The following BABAM2 variants were observed in gnomAD, a reference collection of about 807,000 sequenced individuals.
BABAM2 encodes the protein BRISC and BRCA1 A complex member 2.
A neutral mutation model predicts 54.7 loss-of-function variants in BABAM2; 31 were observed. The observed-to-expected ratio is 0.57, with a 90% CI of 0.43 to 0.77. BABAM2 has a LOEUF of 0.77. BABAM2 is among the 30% of genes least tolerant of loss of function. BABAM2 has a pLI of 0.00. For missense variants in BABAM2, 364 were observed against 455.8 expected (o/e 0.80, Z 1.83); for synonymous variants, 167 against 162.9 (o/e 1.03, Z -0.19).
intron 11 of BABAM2, among the ~76,000 whole-genome samples, chr2:28,326,118 C>G (rs902135): frequency 0.99 from 151,492 of 152,330 alleles, 75,336 homozygotes; most frequent in Middle Eastern, 1. Flanking sequence ...CTTCCTCTTT[C>G]AGGGTCACCC....
At chr2:28,182,596 A>G (rs1403957769) in intron 7 of BABAM2, among the ~76,000 whole-genome samples, 1 of 152,190 alleles carries the variant, frequency 6.6e-6, no homozygotes, top group Non-Finnish European at 1.5e-5. Context: ...GAAAGGCTTT[A>G]GAGTGTCTGT....
chr2:27,936,355 G>A (rs1668485899), intron 3 of BABAM2, among the ~76,000 whole-genome samples: 1 of 152,182 alleles, frequency 6.6e-6, no homozygotes, highest in Non-Finnish European at 1.5e-5. Flanking sequence ...TGGTGGGACT[G>A]TAAACTAGTT....
chr2:28,318,212 C>T (rs995245395), intron 11 of BABAM2, among the ~76,000 whole-genome samples: 5 of 152,162 alleles, frequency 3.3e-5, no homozygotes, highest in Non-Finnish European at 7.3e-5. Flanking sequence ...TGTGAAGGAG[C>T]GACCTCATCT....
intron 11 of BABAM2, among the ~76,000 whole-genome samples, chr2:28,326,333 C>T (rs1344766604): frequency 6.6e-6 from 1 of 152,188 alleles, no homozygotes; most frequent in Non-Finnish European, 1.5e-5. Context: ...CTGTGCTGAG[C>T]GCCTGCTCTT....
intron 2 of BABAM2, among the ~76,000 whole-genome samples, chr2:27,904,372 A>G (rs1666046544): frequency 6.6e-6 from 1 of 152,206 alleles, no homozygotes. Flanking sequence ...TTGCTGATAC[A>G]TAGGAATATA....
intron 3 of BABAM2, among the ~76,000 whole-genome samples, chr2:27,976,535 A>AG (rs1388071422): frequency 2.0e-5 from 3 of 152,146 alleles, no homozygotes; most frequent in Non-Finnish European, 2.9e-5. Flanking sequence ...AGCAGGTCAG[A>AG]GGTTTCCAGG....
At chr2:27,942,838 G>C (rs1669022885) in intron 3 of BABAM2, among the ~76,000 whole-genome samples, 1 of 103,798 alleles carries the variant, frequency 9.6e-6, no homozygotes, top group Admixed American at 9.3e-5. Context: ...ATTAAGACAG[G>C]GTCTTGCTTT....
At chr2:28,044,259 C>T (rs985571873) in intron 5 of BABAM2, among the ~76,000 whole-genome samples, 13 of 152,134 alleles carry the variant, frequency 8.5e-5, no homozygotes, top group Admixed American at 3.3e-4. Context: ...GACGGAGTTT[C>T]GCTCTTGTTG....
intron 7 of BABAM2, among the ~76,000 whole-genome samples, chr2:28,148,801 C>T (rs912945001): frequency 2.8e-4 from 43 of 152,192 alleles, no homozygotes; most frequent in African/African-American, 9.6e-4. Flanking sequence ...CTTATGAAAC[C>T]CAGTCCACAT....
intron 2 of BABAM2, among the ~76,000 whole-genome samples, chr2:27,905,911 A>G (rs1666155152): frequency 6.6e-6 from 1 of 152,186 alleles, no homozygotes; most frequent in African/African-American, 2.4e-5. Flanking sequence ...AGAATATTTG[A>G]TTAGGTTGAA....
intron 3 of BABAM2, among the ~76,000 whole-genome samples, chr2:27,942,286 G>T (rs1668948534): frequency 6.6e-6 from 1 of 152,108 alleles, no homozygotes. Flanking sequence ...TAGATATTGA[G>T]ACTTTATTGA....
intron 11 of BABAM2, among the ~76,000 whole-genome samples, chr2:28,306,995 C>CT (rs143177903): frequency 0.11 from 3,036 of 26,422 alleles, 1,185 homozygotes; most frequent in Non-Finnish European, 0.17. Flanking sequence ...CACACCTGGC[C>CT]TTTTTTTTTT....
intron 10 of BABAM2, among the ~76,000 whole-genome samples, chr2:28,294,900 T>C (rs1687558948): frequency 6.6e-6 from 1 of 152,358 alleles, no homozygotes; most frequent in East Asian, 1.9e-4. Context: ...ACTGAGAAAG[T>C]ATTCAAATTT....
chr2:28,295,975 G>A (rs899962903), intron 10 of BABAM2, among the ~76,000 whole-genome samples: 4 of 152,174 alleles, frequency 2.6e-5, no homozygotes, highest in Non-Finnish European at 5.9e-5. Flanking sequence ...CGAACGTGGT[G>A]GCAGGCGCCT....
chr2:28,250,251 A>G (rs1269993438), intron 10 of BABAM2, among the ~76,000 whole-genome samples: 1 of 151,686 alleles, frequency 6.6e-6, no homozygotes, highest in Non-Finnish European at 1.5e-5. Flanking sequence ...GCCCTGAGGC[A>G]GCAAAGAGCT....
intron 6 of BABAM2, among the ~76,000 whole-genome samples, chr2:28,063,614 C>T (rs1223563414): frequency 6.6e-6 from 1 of 152,158 alleles, no homozygotes; most frequent in South Asian, 2.1e-4. Context: ...AGGAAGCCAA[C>T]ATGGAAAATG....
At chr2:28,014,476 G>A (rs1282821150) in intron 4 of BABAM2, among the ~76,000 whole-genome samples, 2 of 152,138 alleles carry the variant, frequency 1.3e-5, no homozygotes, top group Non-Finnish European at 2.9e-5. Context: ...AAGTAAATGT[G>A]AGGACTTAAC....
intron 6 of BABAM2, among the ~76,000 whole-genome samples, chr2:28,107,820 C>T (rs2148719832): frequency 6.6e-6 from 1 of 152,216 alleles, no homozygotes; most frequent in South Asian, 2.1e-4. Flanking sequence ...AGGTGTTGCC[C>T]AACACATAGT....
At chr2:28,275,934 G>A (rs1685839096) in intron 10 of BABAM2, among the ~76,000 whole-genome samples, 1 of 151,564 alleles carries the variant, frequency 6.6e-6, no homozygotes, top group African/African-American at 2.4e-5. Flanking sequence ...TGAGAGGTTA[G>A]GAGTAAATCA....
Sources: gnomAD v4.1 joint callset for allele counts (sites outside exome capture counted in the v4.1 genomes callset) on GRCh38, gnomAD v4.1.1 for gene constraint, MANE v1.5 for transcripts, NCBI Gene and HGNC (gene_info 2026-07-23, HGNC 2026-07-21) for gene names.